The following COL28A1 variants were observed in gnomAD, a reference collection of about 807,000 sequenced individuals.
COL28A1 encodes the protein collagen type XXVIII alpha 1 chain, also known as collagen alpha-1(XXVIII) chain.
A neutral mutation model predicts 150.2 loss-of-function variants in COL28A1; 161 were observed. The observed-to-expected ratio is 1.07, with a 90% confidence interval of 0.94 to 1.22. The LOEUF (loss-of-function observed/expected upper bound fraction) is 1.22. COL28A1 is among the 50% of genes most tolerant of loss of function. COL28A1 has a pLI of 0.00. For missense variants in COL28A1, 1,617 were observed against 1,388.3 expected, an observed-to-expected ratio of 1.16 and a Z score of -2.62; for synonymous variants, 552 against 469.7, an observed-to-expected ratio of 1.18 and a Z score of -2.26.
intron 2 of COL28A1, 81 bp from the exon 3 acceptor site, chr7:7,531,985 G>A: frequency 1.2e-6 from 1 of 802,736 alleles, no homozygotes; most frequent in Non-Finnish European, 2.1e-6. Context: ...CTGAAGTGGT[G>A]TGTTGTATAT....
At chr7:7,457,836 T>A (rs1045215362) in intron 15 of COL28A1, among the ~76,000 whole-genome samples, 1 of 152,170 alleles carries the variant, frequency 6.6e-6, no homozygotes, top group Admixed American at 6.5e-5. Flanking sequence ...AATTGACCGC[T>A]GGATTGAGTA....
intron 25 of COL28A1, among the ~76,000 whole-genome samples, chr7:7,424,442 G>A (rs1241683496): frequency 1.3e-5 from 2 of 152,168 alleles, no homozygotes; most frequent in African/African-American, 4.8e-5. Flanking sequence ...AGGTACCTAA[G>A]AAGTGCGTTG....
chr7:7,523,350 G>A (rs1781844428), intron 4 of COL28A1, among the ~76,000 whole-genome samples: 1 of 151,786 alleles, frequency 6.6e-6, no homozygotes. Context: ...AGTAGAGACG[G>A]GGTTTCAGCA....
intron 27 of COL28A1, among the ~76,000 whole-genome samples, chr7:7,383,674 G>A (rs1354774550): frequency 1.2e-4 from 9 of 73,842 alleles, no homozygotes; most frequent in Non-Finnish European, 2.4e-4. Flanking sequence ...ATTTGTGTGT[G>A]TGTGTGTGTA....
chr7:7,536,079 A>G (rs1174909869), upstream of COL28A1, among the ~76,000 whole-genome samples: 2 of 152,160 alleles, frequency 1.3e-5, no homozygotes, highest in Non-Finnish European at 2.9e-5. Flanking sequence ...ATTGGTTGAC[A>G]GCCTGCCTTT....
intron 18 of COL28A1, among the ~76,000 whole-genome samples, chr7:7,446,952 G>T (rs1311444738): frequency 6.6e-6 from 1 of 152,174 alleles, no homozygotes; most frequent in Non-Finnish European, 1.5e-5. Context: ...ACATGTGTGT[G>T]AAGAAACTAC....
At chr7:7,473,903 A>AGTGT (rs771312473) in intron 15 of COL28A1, among the ~76,000 whole-genome samples, 1 of 150,110 alleles carries the variant, frequency 6.7e-6, no homozygotes, top group South Asian at 2.1e-4. Flanking sequence ...TTACATATAT[A>AGTGT]GTGTGTGTGT....
intron 11 of COL28A1, among the ~76,000 whole-genome samples, chr7:7,500,999 T>C (rs1562845701): frequency 6.6e-6 from 1 of 152,342 alleles, no homozygotes; most frequent in East Asian, 1.9e-4. Context: ...CTTTTGTCCA[T>C]TTGGGATGAA....
rs1326265734 is a variant in COL28A1, at chr7:7,443,984, CTGT to C, written c.1582-334_1582-332del. On this transcript the variant is annotated intron_variant, in intron 19 of 34. Coordinates refer to ENST00000399429, the MANE Select transcript of COL28A1 (RefSeq NM_001037763.3). ...GGAAGACCTTCAGCCTTTCCATCTG[CTGT>C]TTTTTTTTTTTTTTTTTTTTGCTAC... Among the ~76,000 whole-genome samples, 3 of 93,482 alleles carry C rather than the reference CTGT, an allele frequency of 3.2e-5. No homozygotes were observed. The East Asian group carries it at 8.0e-4, about 25-fold the overall frequency. The allele number at this position is 93,482 out of a possible 152,430, so 61.3% of individuals were successfully genotyped here. A position where few individuals can be genotyped will look rare whatever the true frequency, so the allele number is the denominator to read the frequency against.
At chr7:7,446,162 A>C (rs1376798987) in intron 18 of COL28A1, among the ~76,000 whole-genome samples, 1 of 152,118 alleles carries the variant, frequency 6.6e-6, no homozygotes, top group East Asian at 1.9e-4. Flanking sequence ...CTGGCCAGTA[A>C]TGCCTTTTTA....
chr7:7,537,913 T>G (rs1349856547), upstream of COL28A1, among the ~76,000 whole-genome samples: 1 of 152,172 alleles, frequency 6.6e-6, no homozygotes, highest in African/African-American at 2.4e-5. Context: ...GTTAAAAACA[T>G]GCAGAATAAT....
chr7:7,527,654 A>G (rs528329837), intron 3 of COL28A1, among the ~76,000 whole-genome samples: 7 of 152,316 alleles, frequency 4.6e-5, no homozygotes, highest in East Asian at 1.9e-4. Flanking sequence ...TTGAGTTTCA[A>G]TGAAAAGGAT....
chr7:7,514,887 G>T (rs1249123793), intron 8 of COL28A1, among the ~76,000 whole-genome samples: 2 of 152,080 alleles, frequency 1.3e-5, no homozygotes, highest in African/African-American at 4.8e-5. Context: ...TCCCCCTCCA[G>T]CCTAGGAAAA....
intron 11 of COL28A1, among the ~76,000 whole-genome samples, chr7:7,495,703 C>T (rs1214239432): frequency 6.6e-6 from 1 of 152,174 alleles, no homozygotes; most frequent in Non-Finnish European, 1.5e-5. Flanking sequence ...CTTCAGTCCT[C>T]TACCACGCGT....
At chr7:7,388,120 A>G (rs1452960664) in intron 27 of COL28A1, among the ~76,000 whole-genome samples, 1 of 151,716 alleles carries the variant, frequency 6.6e-6, no homozygotes, top group Non-Finnish European at 1.5e-5. Context: ...CCATCAACCC[A>G]TCATCTACGT....
chr7:7,540,986 T>C, the COL28A1 span, among the ~76,000 whole-genome samples: 1 of 152,212 alleles, frequency 6.6e-6, no homozygotes, highest in Non-Finnish European at 1.5e-5. Flanking sequence ...AGAAACACAA[T>C]ACCTACTTGG....
rs1251801219 is a variant in COL28A1, at chr7:7,465,459, C to T, written c.1302+9142G>A. ...CACCTGGCTCAGAGGGTCCTACGCC[C>T]ACGGAATCTCGCTGATTGCTAGCAC... On this transcript the variant is annotated intron_variant, in intron 15 of 34. Coordinates refer to ENST00000399429, the MANE Select transcript of COL28A1 (RefSeq NM_001037763.3). 2.9e-4 allele frequency among the ~76,000 whole-genome samples: 40 copies of T among 138,598 alleles called. 1 individual carries two copies. Among genetic ancestry groups the T allele is most frequent in the African/African-American group, 1.1e-3 (39 of 36,862 alleles). 90.9% of individuals were successfully genotyped at this position (138,598 alleles called of 152,430 possible). A position where few individuals can be genotyped will look rare whatever the true frequency, so the allele number is the denominator to read the frequency against.
At chr7:7,422,397 G>A (rs540722781) in intron 25 of COL28A1, among the ~76,000 whole-genome samples, 8 of 152,218 alleles carry the variant, frequency 5.3e-5, no homozygotes, top group South Asian at 2.1e-4. Flanking sequence ...CTGGCAGGCC[G>A]AGGTGGGTGG....
chr7:7,510,586 A>G (rs113087498), intron 9 of COL28A1, among the ~76,000 whole-genome samples: 4,060 of 152,296 alleles, frequency 0.027, 90 homozygotes, highest in Non-Finnish European at 0.039. Flanking sequence ...CGTTCAGCCT[A>G]TATTTATTTT....
Sources: allele counts gnomAD v4.1 joint callset (sites outside exome capture counted in the v4.1 genomes callset), GRCh38; gene constraint gnomAD v4.1.1; transcripts MANE v1.5; gene names NCBI Gene and HGNC (gene_info 2026-07-23, HGNC 2026-07-21).